SULT2B1: variants seen among roughly 807,000 people sequenced by gnomAD.
SULT2B1 encodes the protein sulfotransferase family 2B member 1.
SULT2B1 carries 16 observed loss-of-function variants against 33.2 expected under a neutral mutation model. That is an observed-to-expected ratio of 0.48 (90% CI 0.33 to 0.73). The LOEUF (loss-of-function observed/expected upper bound fraction) is 0.73, where lower values mean the gene tolerates loss of function less well. SULT2B1 is among the 30% of genes least tolerant of loss of function. SULT2B1 has a pLI of 0.02. For synonymous variants in SULT2B1, 186 were observed against 200.5 expected (o/e 0.93, Z 0.61); for missense variants, 500 against 506.0 (o/e 0.99, Z 0.11).
In SULT2B1 at chr19:48,596,751, T is replaced by C; in HGVS notation, c.658T>C (p.Ser220Pro). 6.2e-7 allele frequency: 1 copy of C among 1,605,144 alleles called. No homozygotes were observed. The highest frequency in any genetic ancestry group is 8.5e-7 in the Non-Finnish European group (1 of 1,179,554). Residue 220 changes from serine (S) to proline (P), a missense_variant, in exon 6 of 7, where the codon TCC becomes CCC. Ser to Pro is a moderately conservative substitution (Grantham distance 74, BLOSUM62 -1). Coordinates refer to ENST00000201586, the MANE Select transcript of SULT2B1 (RefSeq NM_177973.2). ...YEELQQDLQG[S>P]VERICGFLGR... ...CCCCTGCCTGCAGGACTTACAGGGC[T>C]CCGTGGAGCGCATCTGTGGGTTCCT...
intron 1 of SULT2B1, among the ~76,000 whole-genome samples, chr19:48,561,643 A>T (rs1314223014): frequency 1.3e-5 from 2 of 152,118 alleles, no homozygotes; most frequent in African/African-American, 4.8e-5. Flanking sequence ...GCCAAACTGG[A>T]CAGTGAGAAC....
intron 1 of SULT2B1, among the ~76,000 whole-genome samples, chr19:48,570,492 C>T (rs954860371): frequency 2.6e-5 from 4 of 151,766 alleles, no homozygotes; most frequent in South Asian, 2.1e-4. Flanking sequence ...TCTTTTTCAT[C>T]GCTGAGTAGT....
chr19:48,596,388 G>A (rs890014595), intron 5 of SULT2B1: 4 of 232,612 alleles, frequency 1.7e-5, no homozygotes, highest in Non-Finnish European at 2.5e-5. Flanking sequence ...GTGATTCCAG[G>A]TAAGGTGATG....
chr19:48,557,161 G>A (rs1210508180), intron 1 of SULT2B1, among the ~76,000 whole-genome samples: 5 of 152,154 alleles, frequency 3.3e-5, no homozygotes, highest in African/African-American at 1.2e-4. Flanking sequence ...ACGGGTAGAT[G>A]CCACAGGAAG....
intron 1 of SULT2B1, among the ~76,000 whole-genome samples, chr19:48,573,992 C>G (rs922267034): frequency 5.9e-5 from 9 of 152,160 alleles, no homozygotes; most frequent in Non-Finnish European, 5.9e-5. Flanking sequence ...TCCCAAGTAG[C>G]TGGGACTACA....
chr19:48,575,917 G>A (rs773650122), intron 1 of SULT2B1, 24 bp from the exon 2 acceptor site: 2 of 1,603,522 alleles, frequency 1.2e-6, no homozygotes, highest in Admixed American at 3.4e-5. Context: ...TCTCCCTCAT[G>A]GCGTCTCCCC....
At chr19:48,571,530 C>T (rs911770762) in intron 1 of SULT2B1, among the ~76,000 whole-genome samples, 15 of 151,926 alleles carry the variant, frequency 9.9e-5, no homozygotes, top group Non-Finnish European at 1.3e-4. Context: ...TGGCTTCAAG[C>T]GATCCTCCTG....
At chr19:48,589,683 C>T (rs1370563448) in intron 3 of SULT2B1, among the ~76,000 whole-genome samples, 2 of 152,154 alleles carry the variant, frequency 1.3e-5, no homozygotes, top group Non-Finnish European at 2.9e-5. Flanking sequence ...GCAAGGGGGC[C>T]GGGCGCGGTG....
chr19:48,558,679 C>CTTTTTTTTTTTTTTTTTT (rs869189397), intron 1 of SULT2B1, among the ~76,000 whole-genome samples: 6 of 106,176 alleles, frequency 5.7e-5, no homozygotes, highest in Admixed American at 1.1e-4. Flanking sequence ...CTTTTCTTTT[C>CTTTTTTTTTTTTTTTTTT]TTTTTTTTTT....
intron 2 of SULT2B1, among the ~76,000 whole-genome samples, chr19:48,582,232 C>G (rs1478089567): frequency 6.6e-6 from 1 of 152,100 alleles, no homozygotes; most frequent in Non-Finnish European, 1.5e-5. Flanking sequence ...TTTCTTTCTC[C>G]TTATACCTTG....
chr19:48,564,616 T>TACCCCATG (rs1379458931), intron 1 of SULT2B1, among the ~76,000 whole-genome samples: 1 of 150,948 alleles, frequency 6.6e-6, no homozygotes, highest in Non-Finnish European at 1.5e-5. Context: ...ATGGAAAGAT[T>TACCCCATG]ACCCCATGAA....
intron 3 of SULT2B1, among the ~76,000 whole-genome samples, chr19:48,590,163 A>T (rs1406770191): frequency 2.0e-5 from 3 of 151,594 alleles, no homozygotes; most frequent in Non-Finnish European, 2.9e-5. Flanking sequence ...AATTTTTTGT[A>T]TTTTCAGTAG....
At chr19:48,581,886 TA>T (rs200656063) in intron 2 of SULT2B1, among the ~76,000 whole-genome samples, 7,122 of 107,470 alleles carry the variant, frequency 0.066, 426 homozygotes, top group African/African-American at 0.18. Context: ...TTATTATTAT[TA>T]TTATATTATT....
chr19:48,590,880 C>A (rs1342056285), intron 3 of SULT2B1, among the ~76,000 whole-genome samples: 1 of 151,976 alleles, frequency 6.6e-6, no homozygotes, highest in African/African-American at 2.4e-5. Context: ...GTCATGTAGG[C>A]TGGAGTGCAG....
rs758016211 is a variant in SULT2B1, at chr19:48,579,593, T to TTTTC, written c.214+3522_214+3525dup. 3.5e-3 allele frequency among the ~76,000 whole-genome samples: 388 copies of TTTTC among 110,898 alleles called. 20 individuals carry two copies. Among genetic ancestry groups the TTTTC allele is most frequent in the East Asian group, 0.012 (40 of 3,474 alleles). The allele number at this position is 110,898 out of a possible 152,430, so 72.8% of individuals were successfully genotyped here. ...CACCGCGCCCGGCCTTTTTCTTTTC[T>TTTTC]TTTCTTTCTTTCTTTTTTTTTTTTT... On this transcript the variant is annotated intron_variant, in intron 2 of 6. Coordinates refer to ENST00000201586, the MANE Select transcript of SULT2B1 (RefSeq NM_177973.2).
At chr19:48,565,097 G>GT (rs1055374611) in intron 1 of SULT2B1, among the ~76,000 whole-genome samples, 20 of 151,170 alleles carry the variant, frequency 1.3e-4, no homozygotes, top group East Asian at 7.8e-4. Flanking sequence ...CCTAATTTTT[G>GT]TTTTTTTTAG....
At chr19:48,572,560 G>A (rs142720660) in intron 1 of SULT2B1, among the ~76,000 whole-genome samples, 2 of 151,638 alleles carry the variant, frequency 1.3e-5, no homozygotes, top group African/African-American at 2.4e-5. Flanking sequence ...GTGTCGAGGT[G>A]GAAGGAGGAG....
chr19:48,571,377 A>G (rs907282350), intron 1 of SULT2B1, among the ~76,000 whole-genome samples: 1 of 151,048 alleles, frequency 6.6e-6, no homozygotes, highest in African/African-American at 2.4e-5. Context: ...TTGTATTTTT[A>G]GTAGAGATGG....
At chr19:48,578,309 C>T (rs1377250016) in intron 2 of SULT2B1, among the ~76,000 whole-genome samples, 6 of 151,832 alleles carry the variant, frequency 4.0e-5, no homozygotes, top group African/African-American at 1.2e-4. Context: ...CAGCCGAGCA[C>T]AGTGGCTCAC....
Sources: allele counts gnomAD v4.1 joint callset (sites outside exome capture counted in the v4.1 genomes callset), GRCh38; gene constraint gnomAD v4.1.1; transcripts MANE v1.5; gene names NCBI Gene and HGNC (gene_info 2026-07-23, HGNC 2026-07-21).